The following ALDH9A1 variants were observed in gnomAD, a reference collection of about 807,000 sequenced individuals.
ALDH9A1 encodes aldehyde dehydrogenase 9 family member A1, also known as 4-trimethylaminobutyraldehyde dehydrogenase.
Under a neutral mutation model 56.6 loss-of-function variants are expected in ALDH9A1, and 42 were observed. The ratio of observed to expected loss-of-function variants is 0.74; its 90% CI spans 0.58 to 0.96. The LOEUF is 0.96. Ranked by LOEUF, ALDH9A1 falls within the 40% of genes least tolerant of loss-of-function variation. The probability of loss-of-function intolerance (pLI) is 0.00; values close to 1 mark genes in which losing one functional copy is unlikely to be tolerated. For synonymous variants in ALDH9A1, 242 were observed against 236.0 expected, an observed-to-expected ratio of 1.03 and a Z score of -0.23; for missense variants, 661 against 651.5, an observed-to-expected ratio of 1.01 and a Z score of -0.16.
At chr1:165,692,620 G>A (rs1191422790) in intron 2 of ALDH9A1, among the ~76,000 whole-genome samples, 5 of 152,212 alleles carry the variant, frequency 3.3e-5, no homozygotes, top group Admixed American at 1.3e-4. Flanking sequence ...AATCAATATC[G>A]CAAAAATGGC....
intron 1 of ALDH9A1, among the ~76,000 whole-genome samples, chr1:165,697,822 A>G (rs1189086083): frequency 6.6e-6 from 1 of 152,150 alleles, no homozygotes. Flanking sequence ...TAAGCTCAGG[A>G]GTTCGAGACC....
In ALDH9A1 at chr1:165,665,010, C is replaced by A. The variant is rs560024310; in HGVS notation, c.1462+8G>T. On this transcript the variant is annotated splice_region_variant and intron_variant, in intron 10 of 10. Coordinates refer to ENST00000354775, the MANE Select transcript of ALDH9A1 (RefSeq NM_000696.4). ...CCTAGTTTGCATTCACACCTCCCAGCTCCTCACCTGACTTCTTATATCCAC... is the reference window on the plus strand; with the variant it reads ...CCTAGTTTGCATTCACACCTCCCAGATCCTCACCTGACTTCTTATATCCAC... 3.7e-6 allele frequency: 6 copies of A among 1,611,028 alleles called. No individual in the cohort carries two copies. In the South Asian group the frequency reaches 5.5e-5, roughly 15 times the overall value.
At chr1:165,698,296 G>A in intron 1 of ALDH9A1, 82 bp downstream of exon 1, 1 of 1,517,728 alleles carries the variant, frequency 6.6e-7, no homozygotes, top group Admixed American at 2.3e-5. Context: ...CAACGCTGCA[G>A]AACACAGGAA....
chr1:165,681,987 G>C, intron 4 of ALDH9A1, 120 bp downstream of exon 4: 2 of 1,367,596 alleles, frequency 1.5e-6, no homozygotes, highest in Non-Finnish European at 1.0e-6. Context: ...GAATATCCCA[G>C]AGCAGGCCCC....
chr1:165,692,574 C>G lies in ALDH9A1; in HGVS notation c.327+2678G>C, dbSNP rs1352992343. ...TCAATGAAATAAAAGAGGACACAAA[C>G]AAATGAAAGAACATTCCATGCTCAT... On this transcript the variant is annotated intron_variant, in intron 2 of 10. Transcript: ENST00000354775. 2.0e-5 allele frequency among the ~76,000 whole-genome samples: 3 copies of G among 152,278 alleles called. No individual in the cohort carries two copies. The East Asian group carries it at 5.8e-4, about 29-fold the overall frequency.
chr1:165,686,506 T>G (rs7512816), intron 2 of ALDH9A1, among the ~76,000 whole-genome samples: 105,335 of 148,738 alleles, frequency 0.71, 37,608 homozygotes, highest in East Asian at 0.98. Flanking sequence ...AAGAAGAAAA[T>G]GTTTTTTTTT....
At chr1:165,688,401 T>G (rs1649778810) in intron 2 of ALDH9A1, among the ~76,000 whole-genome samples, 1 of 152,236 alleles carries the variant, frequency 6.6e-6, no homozygotes, top group African/African-American at 2.4e-5. Context: ...TATCTGGGTC[T>G]ACACAAATGA....
At chr1:165,679,339 TTCTGTAAG>T in intron 6 of ALDH9A1, 95 bp downstream of exon 6, 1 of 1,352,896 alleles carries the variant, frequency 7.4e-7, no homozygotes, top group Non-Finnish European at 1.0e-6. Context: ...TGTGCAACTT[TTCTGTAAG>T]TCTGAAAGTA....
chr1:165,694,131 G>A (rs1462072952), intron 2 of ALDH9A1, among the ~76,000 whole-genome samples: 1 of 151,422 alleles, frequency 6.6e-6, no homozygotes, highest in African/African-American at 2.4e-5. Flanking sequence ...GTTGATGGGT[G>A]CAGCAAACCA....
intron 3 of ALDH9A1, among the ~76,000 whole-genome samples, chr1:165,682,657 T>C (rs1006070682): frequency 6.6e-6 from 1 of 152,200 alleles, no homozygotes; most frequent in African/African-American, 2.4e-5. Context: ...AAAAAAAAGT[T>C]TGCTAAATAG....
At position 165,695,389 on chromosome 1, in the gene ALDH9A1, T is replaced by C. The variant is rs1650040842; in HGVS notation, c.190A>G (p.Ile64Val). The C allele has an allele frequency of 6.2e-7, 1 of 1,609,062 alleles. No homozygotes were observed. Among genetic ancestry groups the C allele is most frequent in the East Asian group, 2.2e-5 (1 of 44,510 alleles). Reference protein sequence around the residue: ...KAFEPATGRVIATFTCSGEKE... With the variant: ...KAFEPATGRVVATFTCSGEKE... The stretch of plus-strand genomic sequence containing the variant: ...TCTCCTGAACATGTGAAAGTAGCTA[T>C]CACTCGGCCTATAAAGAGCGGAAAC... The change falls in exon 2 of 11, where the codon ATA (isoleucine) becomes GTA (valine). Residue 64 changes from isoleucine to valine, a missense_variant. By Grantham distance (29) the Ile-to-Val change is conservative. Coordinates refer to ENST00000354775, the MANE Select transcript of ALDH9A1 (RefSeq NM_000696.4).
rs1406287114 is a variant in ALDH9A1 at position 165,688,338 on chromosome 1, A to G, written c.328-5228T>C. ...TCTCAAAAAACAAAACAAAACAGAA[A>G]AGAAATGCTGAAGAAATTCCTTCTA... On this transcript the variant is annotated intron_variant, in intron 2 of 10. Coordinates refer to ENST00000354775, the MANE Select transcript of ALDH9A1 (RefSeq NM_000696.4). 5.9e-5 allele frequency among the ~76,000 whole-genome samples: 9 copies of G among 152,262 alleles called. No homozygotes were observed. The East Asian group carries it at 1.7e-3, about 29-fold the overall frequency.
intron 3 of ALDH9A1, 132 bp from the exon 4 acceptor site, chr1:165,682,373 T>C: frequency 1.0e-6 from 1 of 961,736 alleles, no homozygotes; most frequent in Non-Finnish European, 1.5e-6. Flanking sequence ...AGGCTCACCC[T>C]GTCTCCATTC....
At chr1:165,668,779 A>T in intron 8 of ALDH9A1, 147 bp downstream of exon 8, 1 of 593,892 alleles carries the variant, frequency 1.7e-6, no homozygotes, top group Non-Finnish European at 2.9e-6. Context: ...AAGATAATGG[A>T]GCAGTTCTAC....
At chr1:165,683,908 C>G (rs542915355) in intron 2 of ALDH9A1, among the ~76,000 whole-genome samples, 1 of 152,092 alleles carries the variant, frequency 6.6e-6, no homozygotes, top group Non-Finnish European at 1.5e-5. Context: ...TAGGCAGTTG[C>G]TATTATGGGT....
Position 165,669,418 on chromosome 1 carries a change from C to G in ALDH9A1, c.963G>C (p.Gln321His). ...VCCNGTRVFV[Q>H]KEILDKFTEE... The stretch of plus-strand genomic sequence containing the variant: ...CTGTAAATTTATCAAGAATTTCTTT[C>G]TGCACAAATACTCTTGTGCCATTAC... Residue 321 changes from glutamine (Q) to histidine (H), a missense_variant, in exon 7 of 11, where the codon CAG (glutamine) becomes CAC (histidine). Coordinates refer to ENST00000354775, the MANE Select transcript of ALDH9A1 (RefSeq NM_000696.4). The G allele has an allele frequency of 6.2e-7, 1 of 1,613,696 alleles. No homozygotes were observed.
intron 2 of ALDH9A1, among the ~76,000 whole-genome samples, chr1:165,688,919 C>T (rs567279887): frequency 6.2e-4 from 95 of 152,118 alleles, no homozygotes; most frequent in African/African-American, 2.3e-3. Flanking sequence ...ATTAATAAAA[C>T]ACCACACAGG....
At chr1:165,688,776 T>G (rs1189463637) in intron 2 of ALDH9A1, among the ~76,000 whole-genome samples, 1 of 152,176 alleles carries the variant, frequency 6.6e-6, no homozygotes, top group Non-Finnish European at 1.5e-5. Flanking sequence ...AGGGCTAATA[T>G]GATTGTAGGT....
At chr1:165,681,544 T>C (rs1450957020) in intron 4 of ALDH9A1, among the ~76,000 whole-genome samples, 7 of 152,216 alleles carry the variant, frequency 4.6e-5, no homozygotes. Flanking sequence ...CTAACAGTAA[T>C]GCTTTCTAAC....
Sources: gnomAD v4.1 joint callset for allele counts (sites outside exome capture counted in the v4.1 genomes callset) on GRCh38, gnomAD v4.1.1 for gene constraint, MANE v1.5 for transcripts, NCBI Gene and HGNC (gene_info 2026-07-23, HGNC 2026-07-21) for gene names.